The following CARF variants were observed in gnomAD, a reference collection of about 807,000 sequenced individuals.
CARF encodes calcium responsive transcription factor.
CARF carries 57 observed loss-of-function variants against 82.0 expected under a neutral mutation model. The observed-to-expected ratio is 0.70, with a 90% CI of 0.56 to 0.87. The LOEUF (loss-of-function observed/expected upper bound fraction) is 0.87, where lower values mean the gene tolerates loss of function less well. Ranked by LOEUF, CARF falls within the 40% of genes least tolerant of loss-of-function variation. The pLI is 0.00. For synonymous variants in CARF, 268 were observed against 290.1 expected, an observed-to-expected ratio of 0.92 and a Z score of 0.77; for missense variants, 771 against 855.8, an observed-to-expected ratio of 0.90 and a Z score of 1.24.
chr2:202,920,398 G>A (rs113851584), intron 2 of CARF, among the ~76,000 whole-genome samples: 85 of 152,078 alleles, frequency 5.6e-4, no homozygotes, highest in African/African-American at 1.8e-3. Context: ...CTTGTGATCC[G>A]CCCGCCTCGG....
At chr2:202,938,383 G>A (rs893949070) in intron 3 of CARF, 7 of 152,112 alleles carry the variant, frequency 4.6e-5, no homozygotes, top group African/African-American at 7.2e-5. Flanking sequence ...CACTTGAGGA[G>A]CTCTGGTTAC....
intron 3 of CARF, among the ~76,000 whole-genome samples, chr2:202,931,714 G>T (rs1692966842): frequency 6.6e-6 from 1 of 151,402 alleles, no homozygotes; most frequent in Admixed American, 6.5e-5. Flanking sequence ...TTCTTCAGCT[G>T]CATTCAACGT....
intron 3 of CARF, among the ~76,000 whole-genome samples, chr2:202,935,156 T>G (rs892232811): frequency 1.6e-5 from 2 of 123,266 alleles, no homozygotes; most frequent in Admixed American, 8.7e-5. Context: ...TAATATATAC[T>G]CCTGTATATA....
intron 2 of CARF, among the ~76,000 whole-genome samples, chr2:202,923,452 A>G (rs1398341087): frequency 6.6e-6 from 1 of 152,202 alleles, no homozygotes; most frequent in East Asian, 1.9e-4. Flanking sequence ...AAGGAAAACT[A>G]CAAAACACTG....
chr2:202,976,341 A>AT (rs2060027814), intron 13 of CARF, among the ~76,000 whole-genome samples: 1 of 151,794 alleles, frequency 6.6e-6, no homozygotes, highest in Non-Finnish European at 1.5e-5. Flanking sequence ...TGCCCGGCTA[A>AT]TTTTTTTGTT....
intron 2 of CARF, among the ~76,000 whole-genome samples, chr2:202,918,703 A>C (rs1316549544): frequency 6.6e-6 from 1 of 152,200 alleles, no homozygotes; most frequent in East Asian, 1.9e-4. Context: ...AATTGATGGA[A>C]GAAAGGAGGA....
At chr2:202,919,354 G>T (rs1015755992) in intron 2 of CARF, among the ~76,000 whole-genome samples, 1 of 152,014 alleles carries the variant, frequency 6.6e-6, no homozygotes, top group African/African-American at 2.4e-5. Context: ...AGTAAATAAA[G>T]TAAAAAAAAT....
rs1445485640 is a variant in CARF at position 202,987,805 on chromosome 2, A to G, written c.*4181A>G. Among the ~76,000 whole-genome samples the G allele has an allele frequency of 6.6e-6, 1 of 152,200 alleles. No individual in the cohort carries two copies. The highest frequency in any genetic ancestry group is 1.5e-5 in the Non-Finnish European group (1 of 68,034). ...GTACCAGGAGGGATTTTATTTTTAAATATCTTTATTGAGGTATAATTGAAA... is the reference window on the plus strand; with the variant it reads ...GTACCAGGAGGGATTTTATTTTTAAGTATCTTTATTGAGGTATAATTGAAA... On this transcript the variant is annotated 3_prime_UTR_variant, in exon 17 of 17. Coordinates refer to ENST00000438828, the MANE Select transcript of CARF (RefSeq NM_024744.17).
At chr2:202,938,701 A>C (rs1412189117) in intron 3 of CARF, among the ~76,000 whole-genome samples, 1 of 150,158 alleles carries the variant, frequency 6.7e-6, no homozygotes, top group Non-Finnish European at 1.5e-5. Context: ...AAGACAGTGG[A>C]AAAAAATAGT....
chr2:202,918,726 T>C (rs774973123), intron 2 of CARF, among the ~76,000 whole-genome samples: 12 of 152,156 alleles, frequency 7.9e-5, no homozygotes, highest in Non-Finnish European at 1.6e-4. Flanking sequence ...GAAGAGGTAA[T>C]ACTTTTCACT....
At chr2:202,917,249 T>C (rs1293552154) in intron 1 of CARF, among the ~76,000 whole-genome samples, 1 of 142,750 alleles carries the variant, frequency 7.0e-6, no homozygotes, top group African/African-American at 2.5e-5. Context: ...GCTGAGCTGC[T>C]AATTTTACAG....
chr2:202,985,533 C>T lies in CARF; in HGVS notation c.*1909C>T, dbSNP rs1424224315. ...AAACATTTGATGTTGGCATTTTATACAGGCAGGTTGCCAAATTTAATTATG... is the reference window on the plus strand; with the variant it reads ...AAACATTTGATGTTGGCATTTTATATAGGCAGGTTGCCAAATTTAATTATG... On this transcript the variant is annotated 3_prime_UTR_variant, in exon 17 of 17. Transcript: ENST00000438828. 4 of 152,126 alleles carry T rather than the reference C, an allele frequency of 2.6e-5. No homozygotes were observed. The highest frequency in any genetic ancestry group is 5.9e-5 in the Non-Finnish European group (4 of 67,996). 9.4% of individuals were successfully genotyped at this position (152,126 alleles called of 1,614,324 possible).
intron 13 of CARF, among the ~76,000 whole-genome samples, chr2:202,976,274 A>G (rs1339858507): frequency 1.3e-5 from 2 of 151,554 alleles, no homozygotes; most frequent in African/African-American, 4.9e-5. Context: ...TCCCAGGTTC[A>G]AGCTATTCTC....
rs753097803 is a variant in CARF, at chr2:202,941,974, A to G, written c.72A>G (p.Val24=). 11 of 1,613,044 alleles carry G rather than the reference A, an allele frequency of 6.8e-6. No individual in the cohort carries two copies. In the South Asian group the frequency reaches 1.2e-4, roughly 18 times the overall value. ...DGEESKTSAQ[V]FEHLICMDSR... ...AAGAGTCAAAAACCAGTGCTCAAGT[A>G]TTTGAGGTATGGATTCAGCTGGGAA... is the stretch of plus-strand genomic sequence containing the variant. The change falls in exon 4 of 17, where the codon GTA becomes GTG. Residue 24 remains valine (V), a synonymous_variant. Coordinates refer to ENST00000438828, the MANE Select transcript of CARF (RefSeq NM_024744.17).
At chr2:202,921,194 G>T (rs1408816310) in intron 2 of CARF, among the ~76,000 whole-genome samples, 1 of 152,044 alleles carries the variant, frequency 6.6e-6, no homozygotes, top group Non-Finnish European at 1.5e-5. Context: ...GTAGAGACGG[G>T]GTTTCACCAT....
intron 8 of CARF, 24 bp downstream of exon 8, chr2:202,955,782 T>C: frequency 6.4e-7 from 1 of 1,557,872 alleles, no homozygotes; most frequent in Admixed American, 1.7e-5. Context: ...AATCATTACC[T>C]AGAATTACTT....
intron 3 of CARF, among the ~76,000 whole-genome samples, chr2:202,941,554 G>C (rs543052859): frequency 6.6e-6 from 1 of 152,192 alleles, no homozygotes; most frequent in Non-Finnish European, 1.5e-5. Flanking sequence ...GAGAATTTTA[G>C]AAGTATTTGA....
intron 12 of CARF, 36 bp from the exon 13 acceptor site, chr2:202,974,298 G>C: frequency 6.7e-7 from 1 of 1,500,608 alleles, no homozygotes. Context: ...ATTGCTAAAT[G>C]GTTTATGTCT....
rs1017537370 is a variant in CARF, at chr2:202,936,564, G to C, written c.-43-5296G>C. 5.3e-5 allele frequency among the ~76,000 whole-genome samples: 8 copies of C among 152,272 alleles called. No individual in the cohort carries two copies. In the South Asian group the frequency reaches 8.3e-4, roughly 16 times the overall value. On this transcript the variant is annotated intron_variant, in intron 3 of 16. Coordinates refer to ENST00000438828, the MANE Select transcript of CARF (RefSeq NM_024744.17). Reference sequence around the variant, plus strand: ...TGTGTGGCTTGGCTTCTGTCACTTAGCATAATGGGATTTTGTTTGTTTGTT... The same window carrying C: ...TGTGTGGCTTGGCTTCTGTCACTTACCATAATGGGATTTTGTTTGTTTGTT...
Sources: gnomAD v4.1 joint callset for allele counts (sites outside exome capture counted in the v4.1 genomes callset) on GRCh38, gnomAD v4.1.1 for gene constraint, MANE v1.5 for transcripts, NCBI Gene and HGNC (gene_info 2026-07-23, HGNC 2026-07-21) for gene names.